SCGN: variants seen among roughly 807,000 people sequenced by gnomAD.
SCGN encodes the protein secretagogin.
Under a neutral mutation model 39.7 loss-of-function variants are expected in SCGN, and 30 were observed. The observed-to-expected ratio is 0.76, with a 90% confidence interval of 0.57 to 1.03. The LOEUF (loss-of-function observed/expected upper bound fraction) is 1.03, where lower values mean the gene tolerates loss of function less well. SCGN is among the 50% of genes least tolerant of loss of function. The probability of loss-of-function intolerance (pLI) is 0.00; values close to 1 mark genes in which losing one functional copy is unlikely to be tolerated. For missense variants in SCGN, 353 were observed against 349.4 expected, an observed-to-expected ratio of 1.01 and a Z score of -0.08; for synonymous variants, 106 against 114.1, an observed-to-expected ratio of 0.93 and a Z score of 0.45.
chr6:25,687,170 G>T (rs911079001), intron 7 of SCGN, among the ~76,000 whole-genome samples: 1 of 152,040 alleles, frequency 6.6e-6, no homozygotes, highest in Non-Finnish European at 1.5e-5. Flanking sequence ...GGCTATCCTG[G>T]TTCATTTGCA....
chr6:25,696,732 A>T lies in SCGN; in HGVS notation c.703-4475A>T, dbSNP rs368366146. Among the ~76,000 whole-genome samples, 6 of 152,110 alleles carry T rather than the reference A, an allele frequency of 3.9e-5. No individual in the cohort carries two copies. In the East Asian group the frequency reaches 1.2e-3, roughly 29 times the overall value. On this transcript the variant is annotated intron_variant, in intron 10 of 10. Coordinates refer to ENST00000377961, the MANE Select transcript of SCGN (RefSeq NM_006998.4). ...CTTCAACGTCCTTTCCTCAAACCTG[A>T]CTTTTCTTCCCCTCACTACCCAGAA... is the stretch of plus-strand genomic sequence containing the variant.
intron 1 of SCGN, 39 bp downstream of exon 1, chr6:25,652,524 G>A (rs200651042): frequency 7.2e-5 from 114 of 1,590,626 alleles, no homozygotes; most frequent in Non-Finnish European, 9.3e-5. Context: ...AGGTGTAGAC[G>A]TGGCTCCAAG....
intron 6 of SCGN, among the ~76,000 whole-genome samples, chr6:25,677,161 C>T (rs1759574482): frequency 6.6e-6 from 1 of 152,156 alleles, no homozygotes; most frequent in Admixed American, 6.5e-5. Flanking sequence ...CTCTCTACCT[C>T]ATGTCCAAAT....
At chr6:25,689,600 G>T in intron 9 of SCGN, 68 bp downstream of exon 9, 1 of 1,321,812 alleles carries the variant, frequency 7.6e-7, no homozygotes, top group Non-Finnish European at 1.1e-6. Context: ...CCTATGTGGA[G>T]CCATCTTACC....
At chr6:25,671,653 G>T (rs1759499435) in intron 6 of SCGN, among the ~76,000 whole-genome samples, 1 of 152,288 alleles carries the variant, frequency 6.6e-6, no homozygotes, top group Admixed American at 6.5e-5. Flanking sequence ...GTCGAAGTGG[G>T]AAATCCCCCA....
Position 25,653,403 on chromosome 6 carries a change from A to G in SCGN, c.104A>G (p.Lys35Arg), listed in dbSNP as rs1336025733. ...TTAGAAAAAGGTTACATAGAAGAGA[A>G]GGAACTCGATGCTTTCTTTCTCCAC... ...DADEKGYIEE[K>R]ELDAFFLHML... Residue 35 changes from lysine to arginine, a missense_variant, in exon 2 of 11, where the codon AAG (lysine) becomes AGG (arginine). Coordinates refer to ENST00000377961, the MANE Select transcript of SCGN (RefSeq NM_006998.4). 1 of 1,612,214 alleles carries G rather than the reference A, an allele frequency of 6.2e-7. No individual in the cohort carries two copies. The highest frequency in any genetic ancestry group is 1.3e-5 in the African/African-American group (1 of 74,888).
At chr6:25,701,136 A>G in intron 10 of SCGN, 71 bp from the exon 11 acceptor site, 1 of 1,529,192 alleles carries the variant, frequency 6.5e-7, no homozygotes, top group Non-Finnish European at 8.8e-7. Context: ...CTTAGGGAGC[A>G]TCAGAGAGGG....
chr6:25,660,545 G>A lies in SCGN; in HGVS notation c.154-1007G>A, dbSNP rs150254689. ...TCTTGCACCTGGGTTGTTCTGGCAA[G>A]TTCTTCCTTATCTCAGGATGTTGCA... On this transcript the variant is annotated intron_variant, in intron 2 of 10. Coordinates refer to ENST00000377961, the MANE Select transcript of SCGN (RefSeq NM_006998.4). 1.2e-4 allele frequency among the ~76,000 whole-genome samples: 18 copies of A among 152,332 alleles called. No individual in the cohort carries two copies. In the East Asian group the frequency reaches 3.5e-3, roughly 29 times the overall value.
rs141110723 is a variant in SCGN at position 25,690,172 on chromosome 6, C to T, written c.633+640C>T. ...GCAGTCTAGCATAGAGGTGGTTAAA[C>T]ACGTGGCTTCTGTGACCAATTACCT... On this transcript the variant is annotated intron_variant, in intron 9 of 10. Transcript: ENST00000377961. Among the ~76,000 whole-genome samples, 389 of 152,308 alleles carry T rather than the reference C, an allele frequency of 2.6e-3. 3 individuals are homozygous for T. The highest frequency in any genetic ancestry group is 9.0e-3 in the African/African-American group (375 of 41,562).
At chr6:25,657,120 C>A (rs1423619406) in intron 2 of SCGN, among the ~76,000 whole-genome samples, 2 of 152,174 alleles carry the variant, frequency 1.3e-5, no homozygotes, top group Non-Finnish European at 2.9e-5. Flanking sequence ...TGAAACTAGA[C>A]AGGTTAATCC....
At chr6:25,678,777 C>A (rs1759597932) in intron 6 of SCGN, 1 of 152,574 alleles carries the variant, frequency 6.6e-6, no homozygotes, top group African/African-American at 2.4e-5. Context: ...TGGCTACATG[C>A]ACTGTTGCTG....
intron 6 of SCGN, among the ~76,000 whole-genome samples, chr6:25,677,571 T>G (rs779860669): frequency 1.3e-5 from 2 of 152,206 alleles, no homozygotes; most frequent in African/African-American, 2.4e-5. Flanking sequence ...TTCCAATAAT[T>G]TATTAAATAA....
rs569614035 is a variant in SCGN, at chr6:25,685,004, G to C, written c.527+2998G>C. On this transcript the variant is annotated intron_variant, in intron 7 of 10. Coordinates refer to ENST00000377961, the MANE Select transcript of SCGN (RefSeq NM_006998.4). ...ACAAAGATCCTTTAAATATGGAAGA[G>C]GGAGGCAGAAGGTCAGAGTCACGGA... Among the ~76,000 whole-genome samples the C allele has an allele frequency of 2.6e-5, 4 of 152,130 alleles. No individual in the cohort carries two copies. The South Asian group carries it at 8.3e-4, about 32-fold the overall frequency.
chr6:25,663,913 G>A (rs1362552513), intron 3 of SCGN, among the ~76,000 whole-genome samples: 1 of 152,138 alleles, frequency 6.6e-6, no homozygotes, highest in Admixed American at 6.5e-5. Flanking sequence ...AATCCCTTCT[G>A]GAGCATTTGC....
At chr6:25,656,249 C>T (rs1008441527) in intron 2 of SCGN, among the ~76,000 whole-genome samples, 1 of 152,324 alleles carries the variant, frequency 6.6e-6, no homozygotes, top group African/African-American at 2.4e-5. Context: ...GAGGCCTCCA[C>T]AATCAGGCAG....
intron 7 of SCGN, among the ~76,000 whole-genome samples, chr6:25,683,664 T>C (rs779793350): frequency 1.3e-5 from 2 of 152,206 alleles, no homozygotes; most frequent in Non-Finnish European, 2.9e-5. Context: ...AGTGAAGATA[T>C]AGTGAAGTGG....
At chr6:25,657,983 T>C (rs1294084355) in intron 2 of SCGN, among the ~76,000 whole-genome samples, 1 of 147,574 alleles carries the variant, frequency 6.8e-6, no homozygotes, top group Non-Finnish European at 1.5e-5. Context: ...GTCTGGTGTG[T>C]GTTCATTTAG....
At chr6:25,682,507 A>T (rs9467563) in intron 7 of SCGN, among the ~76,000 whole-genome samples, 2,013 of 152,270 alleles carry the variant, frequency 0.013, 31 homozygotes, top group African/African-American at 0.036. Flanking sequence ...TGTCCATGAA[A>T]ATGTTGTCTG....
chr6:25,654,564 C>T (rs903599278), intron 2 of SCGN, among the ~76,000 whole-genome samples: 1 of 152,090 alleles, frequency 6.6e-6, no homozygotes, highest in African/African-American at 2.4e-5. Context: ...TCTTTCTTGT[C>T]TCTGTTTCTC....
Sources: allele counts gnomAD v4.1 joint callset (sites outside exome capture counted in the v4.1 genomes callset), GRCh38; gene constraint gnomAD v4.1.1; transcripts MANE v1.5; gene names NCBI Gene and HGNC (gene_info 2026-07-23, HGNC 2026-07-21).